PTPRN2: variants seen among roughly 807,000 people sequenced by gnomAD.
PTPRN2 encodes the protein receptor-type tyrosine-protein phosphatase N2.
A neutral mutation model predicts 118.8 loss-of-function variants in PTPRN2; 74 were observed. That is an observed-to-expected ratio of 0.62 (90% CI 0.52 to 0.76). The LOEUF (loss-of-function observed/expected upper bound fraction) is 0.76, where lower values mean the gene tolerates loss of function less well. PTPRN2 is among the 30% of genes least tolerant of loss of function. The pLI, the probability that PTPRN2 is intolerant of heterozygous loss-of-function variation, is 0.00. For missense variants in PTPRN2, 1,481 were observed against 1,394.4 expected (o/e 1.06, Z -0.99); for synonymous variants, 641 against 608.0 (o/e 1.05, Z -0.80).
chr7:158,353,750 T>A, intron 2 of PTPRN2, among the ~76,000 whole-genome samples: 1 of 152,256 alleles, frequency 6.6e-6, no homozygotes, highest in East Asian at 1.9e-4. Context: ...CTGCCTGGCA[T>A]CCAGTACACA....
intron 3 of PTPRN2, among the ~76,000 whole-genome samples, chr7:158,205,783 G>A (rs764186323): frequency 6.6e-6 from 1 of 152,178 alleles, no homozygotes; most frequent in East Asian, 1.9e-4. Flanking sequence ...GGGAGAGAGA[G>A]CACAGTGATA....
chr7:157,621,452 G>A lies in PTPRN2; in HGVS notation c.2254C>T (p.Leu752=), dbSNP rs953525452. ...TTGGGCTCCGCCTGGTAGGCGCACA[G>A]CGCTTCCCACTCCTTCTCCAGCCGG... is the stretch of plus-strand genomic sequence containing the variant. ...KNRLEKEWEA[L]CAYQAEPNSS... Residue 752 remains leucine, a synonymous_variant, in exon 15 of 23, where the codon CTG becomes TTG. Transcript: ENST00000389418. 6 of 1,613,862 alleles carry A rather than the reference G, an allele frequency of 3.7e-6. No homozygotes were observed. The highest frequency in any genetic ancestry group is 1.1e-5 in the South Asian group (1 of 91,088).
intron 11 of PTPRN2, among the ~76,000 whole-genome samples, chr7:158,016,089 C>T (rs1046063088): frequency 6.6e-6 from 1 of 152,208 alleles, no homozygotes; most frequent in Non-Finnish European, 1.5e-5. Context: ...CTCCCAAGAA[C>T]TCTCATTCAG....
intron 2 of PTPRN2, among the ~76,000 whole-genome samples, chr7:158,348,775 C>T (rs1455471445): frequency 6.6e-6 from 1 of 152,188 alleles, no homozygotes. Flanking sequence ...GGATGCTAAT[C>T]CCCACTCACT....
chr7:158,484,829 T>A (rs1356887499), intron 2 of PTPRN2, among the ~76,000 whole-genome samples: 1 of 152,164 alleles, frequency 6.6e-6, no homozygotes, highest in Non-Finnish European at 1.5e-5. Flanking sequence ...CCTCGGTTCC[T>A]GGTGGTTTTC....
Position 157,990,443 on chromosome 7 carries a change from T to C in PTPRN2, c.1723+90855A>G, listed in dbSNP as rs1289605214. On this transcript the variant is annotated intron_variant, in intron 11 of 22. Transcript: ENST00000389418. This position sits in a 1 kb window ranked among gnomAD's most constrained non-coding sequence, Gnocchi z 4.3. Reference sequence around the variant, plus strand: ...AGTCCTCTGGGATCCAGGTTCTCCTTCCTTCAGGGCACCCCCACCCACCCT... The same window carrying C: ...AGTCCTCTGGGATCCAGGTTCTCCTCCCTTCAGGGCACCCCCACCCACCCT... 1.3e-5 allele frequency among the ~76,000 whole-genome samples: 2 copies of C among 152,106 alleles called. No individual in the cohort carries two copies. The highest frequency in any genetic ancestry group is 4.8e-5 in the African/African-American group (2 of 41,418).
At chr7:157,748,492 G>A (rs1370344000) in intron 12 of PTPRN2, among the ~76,000 whole-genome samples, 3 of 124,522 alleles carry the variant, frequency 2.4e-5, no homozygotes, top group African/African-American at 6.2e-5. Context: ...CCTGAGCTGC[G>A]GAGTGTCTGG....
At chr7:158,333,885 C>G (rs1369392953) in intron 2 of PTPRN2, among the ~76,000 whole-genome samples, 3 of 148,586 alleles carry the variant, frequency 2.0e-5, no homozygotes, top group Admixed American at 6.7e-5. Context: ...ACACTCTCAC[C>G]ATAAGAGCTG....
chr7:157,810,313 C>T lies in PTPRN2; in HGVS notation c.1788+88360G>A, dbSNP rs555365411. 7.4e-4 allele frequency among the ~76,000 whole-genome samples: 112 copies of T among 152,332 alleles called. 2 individuals carry two copies. The highest frequency in any genetic ancestry group is 2.6e-3 in the African/African-American group (108 of 41,568). ...GATCTAGACGTGTGGGGTCCACAGG[C>T]GGGCGCCCTGGCACTGGGGGCTCTG... On this transcript the variant is annotated intron_variant, in intron 12 of 22. Coordinates refer to ENST00000389418, the MANE Select transcript of PTPRN2 (RefSeq NM_002847.5).
intron 2 of PTPRN2, among the ~76,000 whole-genome samples, chr7:158,457,773 T>TGCGCGGCCCCAGTCAGCGCAC (rs1410058340): frequency 1.4e-4 from 21 of 146,692 alleles, no homozygotes; most frequent in Admixed American, 1.1e-3. Flanking sequence ...ACACAGCGGA[T>TGCGCGGCCCCAGTCAGCGCAC]GCGCGGCCCC....
At chr7:157,633,104 C>T (rs1804063547) in intron 14 of PTPRN2, among the ~76,000 whole-genome samples, 1 of 152,068 alleles carries the variant, frequency 6.6e-6, no homozygotes, top group Admixed American at 6.5e-5. Context: ...GCCAAAGACC[C>T]TGTCCTCATG....
chr7:158,259,998 TTG>T (rs1300392495), intron 3 of PTPRN2, among the ~76,000 whole-genome samples: 1 of 151,388 alleles, frequency 6.6e-6, no homozygotes, highest in East Asian at 1.9e-4. Flanking sequence ...GTGAATGTGT[TTG>T]TGTGTCCATG....
intron 2 of PTPRN2, among the ~76,000 whole-genome samples, chr7:158,399,625 C>A (rs183421084): frequency 1.1e-4 from 17 of 152,080 alleles, no homozygotes; most frequent in Middle Eastern, 3.4e-3. Flanking sequence ...CACTGCACTG[C>A]AGCCTGGGTG....
Position 157,698,656 on chromosome 7 carries a change from G to T in PTPRN2, c.1789-15719C>A, listed in dbSNP as rs530415295. ...CATTTTGAAAAAATACTGTTCATAAGCACAGGTACTTATAAACAGTGCAGT... is the reference window on the plus strand; with the variant it reads ...CATTTTGAAAAAATACTGTTCATAATCACAGGTACTTATAAACAGTGCAGT... On this transcript the variant is annotated intron_variant, in intron 12 of 22. Coordinates refer to ENST00000389418, the MANE Select transcript of PTPRN2 (RefSeq NM_002847.5). Among the ~76,000 whole-genome samples, 27 of 152,262 alleles carry T rather than the reference G, an allele frequency of 1.8e-4. 1 individual carries two copies. The South Asian group carries it at 5.6e-3, about 32-fold the overall frequency.
chr7:157,772,126 TACACAGACAGACACAC>T (rs1347611065), intron 12 of PTPRN2, among the ~76,000 whole-genome samples: 1 of 119,884 alleles, frequency 8.3e-6, no homozygotes, highest in Non-Finnish European at 1.8e-5. Context: ...GACATACACA[TACACAGACAGACACAC>T]ACACAGACAC....
intron 22 of PTPRN2, among the ~76,000 whole-genome samples, chr7:157,547,792 G>T (rs909118996): frequency 3.9e-5 from 6 of 152,210 alleles, no homozygotes; most frequent in African/African-American, 1.4e-4. Context: ...TGGGGGACGT[G>T]GGACACGCCT....
chr7:158,329,579 A>C (rs1177716282), intron 2 of PTPRN2, among the ~76,000 whole-genome samples: 3 of 152,170 alleles, frequency 2.0e-5, no homozygotes, highest in South Asian at 2.1e-4. Flanking sequence ...CCAGACGTCA[A>C]CCCTGCCAGG....
At chr7:158,305,366 T>G (rs1053599941) in intron 3 of PTPRN2, among the ~76,000 whole-genome samples, 1 of 151,470 alleles carries the variant, frequency 6.6e-6, no homozygotes, top group African/African-American at 2.4e-5. Context: ...AGACAAAACA[T>G]AGAGCTAAAG....
intron 17 of PTPRN2, among the ~76,000 whole-genome samples, chr7:157,586,029 T>A (rs1031514685): frequency 3.3e-5 from 5 of 152,216 alleles, no homozygotes; most frequent in Non-Finnish European, 7.3e-5. Flanking sequence ...AAACAGTTTC[T>A]TTCACCTTTA....
Sources: allele counts gnomAD v4.1 joint callset (sites outside exome capture counted in the v4.1 genomes callset), GRCh38; gene constraint gnomAD v4.1.1; non-coding constraint Gnocchi (gnomAD v3.1); transcripts MANE v1.5; gene names NCBI Gene and HGNC (gene_info 2026-07-23, HGNC 2026-07-21).